PTPRA: variants seen among roughly 807,000 people sequenced by gnomAD.
The protein encoded by PTPRA is protein tyrosine phosphatase receptor type A, also known as receptor-type tyrosine-protein phosphatase alpha.
Under a neutral mutation model 104.8 loss-of-function variants are expected in PTPRA, and 25 were observed. That is an observed-to-expected ratio of 0.24 (90% confidence interval 0.17 to 0.33). The LOEUF (loss-of-function observed/expected upper bound fraction) is 0.33. Among genes scored for constraint, PTPRA ranks in the 10% least tolerant of loss-of-function variants. The probability of loss-of-function intolerance (pLI) is 1.00; values close to 1 mark genes in which losing one functional copy is unlikely to be tolerated. For synonymous variants in PTPRA, 323 were observed against 368.9 expected (o/e 0.88, Z 1.43); for missense variants, 765 against 1,015.3 (o/e 0.75, Z 3.35).
intron 1 of PTPRA, among the ~76,000 whole-genome samples, chr20:2,876,534 T>G (rs764615179): frequency 6.6e-6 from 1 of 152,276 alleles, no homozygotes; most frequent in African/African-American, 2.4e-5. Flanking sequence ...TTATTTGTTC[T>G]TTCTGTTGAC....
At chr20:2,988,540 G>T (rs1428664197) in intron 9 of PTPRA, 66 bp downstream of exon 9, 1 of 1,560,192 alleles carries the variant, frequency 6.4e-7, no homozygotes, top group East Asian at 2.3e-5. Flanking sequence ...AGACCTTTCA[G>T]ATCTTTGGAG....
intron 1 of PTPRA, among the ~76,000 whole-genome samples, chr20:2,886,014 A>C (rs1299995278): frequency 6.6e-6 from 1 of 152,216 alleles, no homozygotes; most frequent in Non-Finnish European, 1.5e-5. Context: ...CAGTGAGATC[A>C]TGCCACCACA....
intron 1 of PTPRA, among the ~76,000 whole-genome samples, chr20:2,904,710 A>G (rs1291638731): frequency 6.6e-6 from 1 of 151,908 alleles, no homozygotes; most frequent in Non-Finnish European, 1.5e-5. Context: ...CTAGAGAAAA[A>G]TAGTCCAGAA....
At chr20:2,971,606 C>A (rs2062189962) in intron 5 of PTPRA, among the ~76,000 whole-genome samples, 1 of 152,210 alleles carries the variant, frequency 6.6e-6, no homozygotes, top group African/African-American at 2.4e-5. Flanking sequence ...ATGCAGACAG[C>A]ATTCTCTTGT....
At chr20:2,864,954 A>G in the PTPRA span, 2 of 1,613,972 alleles carry the variant, frequency 1.2e-6, no homozygotes, top group Non-Finnish European at 1.7e-6. The surrounding 1 kb of genome is among the most constrained non-coding windows in gnomAD (Gnocchi z 5.2). Context: ...CTGTGAGTTC[A>G]GGCCTTCCTT....
intron 1 of PTPRA, among the ~76,000 whole-genome samples, chr20:2,904,333 A>G (rs894816402): frequency 4.6e-5 from 7 of 152,162 alleles, no homozygotes; most frequent in African/African-American, 1.7e-4. Context: ...GGCAAGACTA[A>G]TTTGAAGAAA....
At chr20:2,919,309 TC>T (rs2060019100) in intron 1 of PTPRA, among the ~76,000 whole-genome samples, 1 of 152,216 alleles carries the variant, frequency 6.6e-6, no homozygotes, top group Non-Finnish European at 1.5e-5. Flanking sequence ...CTGGGTTTTT[TC>T]CTCCCTTTAA....
intron 1 of PTPRA, among the ~76,000 whole-genome samples, chr20:2,918,497 G>A (rs1173233792): frequency 3.3e-5 from 5 of 152,178 alleles, no homozygotes; most frequent in Non-Finnish European, 2.9e-5. Context: ...TAACAGTAGG[G>A]GATGGTAATG....
rs1479303112 is a variant in PTPRA, at chr20:3,035,922, C to T, written c.2179C>T (p.Pro727Ser). 6.2e-7 allele frequency: 1 copy of T among 1,613,542 alleles called. No homozygotes were observed. The highest frequency in any genetic ancestry group is 8.5e-7 in the Non-Finnish European group (1 of 1,180,048). Residue 727 changes from proline (P) to serine (S), a missense_variant, in exon 22 of 24, where the codon CCC becomes TCC. Pro to Ser is a moderately conservative substitution (Grantham distance 74). Around this residue, in one of 4 missense-constraint regions of PTPRA, gnomAD observed 72 missense variants for 140.7 expected, o/e 0.51. Coordinates refer to ENST00000399903, the MANE Select transcript of PTPRA (RefSeq NM_001385305.1). The surrounding 1 kb of genome is among the most constrained non-coding windows in gnomAD (Gnocchi z 5.8). The part of the protein sequence containing the change: ...QKQQQQSGNH[P>S]ITVHCSAGAG... ...GCAGCAGCAGCAGTCAGGGAACCAC[C>T]CCATCACCGTGCACTGCAGGTATGG...
chr20:3,036,955 TC>T (rs1442989719), intron 22 of PTPRA, among the ~76,000 whole-genome samples, 198 bp from the exon 23 acceptor site: 1 of 152,072 alleles, frequency 6.6e-6, no homozygotes, highest in Non-Finnish European at 1.5e-5. Flanking sequence ...GGTGAGTCCC[TC>T]CACAGCACAT....
intron 3 of PTPRA, among the ~76,000 whole-genome samples, chr20:2,952,537 T>TA (rs920130290): frequency 4.6e-5 from 7 of 152,168 alleles, no homozygotes; most frequent in African/African-American, 9.6e-5. Context: ...TCATGTCTTT[T>TA]AAAAAAAATT....
intron 9 of PTPRA, among the ~76,000 whole-genome samples, chr20:2,996,646 A>G (rs1285599266): frequency 6.6e-6 from 1 of 152,252 alleles, no homozygotes; most frequent in Admixed American, 6.5e-5. Context: ...TGTGAGTAAA[A>G]GGTAAACAAT....
intron 1 of PTPRA, among the ~76,000 whole-genome samples, chr20:2,916,940 A>G (rs948752444): frequency 2.0e-5 from 3 of 148,482 alleles, no homozygotes; most frequent in Non-Finnish European, 4.4e-5. Context: ...TATAAATTTT[A>G]GGATCAGTTT....
intron 5 of PTPRA, among the ~76,000 whole-genome samples, chr20:2,968,686 G>A (rs1292514172): frequency 6.6e-6 from 1 of 152,144 alleles, no homozygotes; most frequent in African/African-American, 2.4e-5. Context: ...GGCTGAAGCA[G>A]GAGGATCGCT....
intron 3 of PTPRA, among the ~76,000 whole-genome samples, chr20:2,959,884 GAGGTTA>G (rs2061685550): frequency 1.3e-5 from 2 of 152,150 alleles, no homozygotes; most frequent in African/African-American, 4.8e-5. Context: ...CTGGGAGGTG[GAGGTTA>G]CAGTGAGCCA....
chr20:2,903,135 A>G (rs1324576125), intron 1 of PTPRA, among the ~76,000 whole-genome samples: 2 of 152,248 alleles, frequency 1.3e-5, no homozygotes, highest in African/African-American at 2.4e-5. Flanking sequence ...TGCTTATTCC[A>G]TGGAGCATTT....
intron 16 of PTPRA, among the ~76,000 whole-genome samples, chr20:3,023,350 T>G (rs1056987292): frequency 6.6e-6 from 1 of 152,074 alleles, no homozygotes; most frequent in African/African-American, 2.4e-5. Flanking sequence ...CTGAGGAGGA[T>G]TAGTGAAAGA....
chr20:2,972,724 T>G (rs2062243248), intron 5 of PTPRA, among the ~76,000 whole-genome samples: 1 of 146,212 alleles, frequency 6.8e-6, no homozygotes, highest in Admixed American at 6.9e-5. Context: ...AAAAATATGC[T>G]TTTTTTTTTT....
chr20:2,980,719 T>A (rs565089824), intron 6 of PTPRA, among the ~76,000 whole-genome samples: 42 of 152,294 alleles, frequency 2.8e-4, no homozygotes, highest in African/African-American at 8.9e-4. Flanking sequence ...AAAATTTTTT[T>A]AAATCAATAT....
Sources: allele counts gnomAD v4.1 joint callset (sites outside exome capture counted in the v4.1 genomes callset), GRCh38; gene constraint gnomAD v4.1.1; regional missense constraint gnomAD v4.1.1; non-coding constraint Gnocchi (gnomAD v3.1); transcripts MANE v1.5; gene names NCBI Gene and HGNC (gene_info 2026-07-23, HGNC 2026-07-21).